The following CHL1 variants were observed in gnomAD, a reference collection of about 807,000 sequenced individuals.
The protein encoded by CHL1 is cell adhesion molecule L1 like, also known as neural cell adhesion molecule L1-like protein.
A neutral mutation model predicts 141.9 loss-of-function variants in CHL1; 96 were observed. That is an observed-to-expected ratio of 0.68 (90% CI 0.57 to 0.80). The LOEUF (loss-of-function observed/expected upper bound fraction) is 0.80. Ranked by LOEUF, CHL1 falls within the 30% of genes least tolerant of loss-of-function variation. CHL1 has a pLI of 0.00. For missense variants in CHL1, 1,820 were observed against 1,457.2 expected, an observed-to-expected ratio of 1.25 and a Z score of -4.05; for synonymous variants, 613 against 502.2, an observed-to-expected ratio of 1.22 and a Z score of -2.95.
intron 2 of CHL1, among the ~76,000 whole-genome samples, chr3:318,002 A>T (rs1428216784): frequency 6.6e-6 from 1 of 151,928 alleles, no homozygotes; most frequent in Non-Finnish European, 1.5e-5. Flanking sequence ...ATTTTTTCCA[A>T]TTCCCATTTT....
Position 389,353 on chromosome 3 carries a change from C to T in CHL1, c.2349C>T (p.Asn783=). ...PVEWEEETVT[N]HTLRVMTPAV... ...AGTGGGAAGAAGAAACAGTCACAAA[C>T]CACACATTGCGGGTGATGACGCCTG... Residue 783 remains asparagine, a synonymous_variant, in exon 20 of 28, where the codon AAC becomes AAT. Coordinates refer to ENST00000256509, the MANE Select transcript of CHL1 (RefSeq NM_006614.4). The T allele has an allele frequency of 2.5e-6, 4 of 1,614,190 alleles. No individual in the cohort carries two copies. The highest frequency in any genetic ancestry group is 3.4e-6 in the Non-Finnish European group (4 of 1,180,030).
chr3:268,248 ACTAGG>A lies in CHL1; in HGVS notation c.-95+23558_-95+23562del, dbSNP rs550102978. 6.6e-5 allele frequency among the ~76,000 whole-genome samples: 10 copies of A among 152,276 alleles called. No individual in the cohort carries two copies. In the South Asian group the frequency reaches 2.1e-3, roughly 32 times the overall value. On this transcript the variant is annotated intron_variant, in intron 2 of 27. Coordinates refer to ENST00000256509, the MANE Select transcript of CHL1 (RefSeq NM_006614.4). Reference sequence around the variant, plus strand: ...TGAAGAAAATGTATTGAAAATGATGACTAGGCCAGGCACAGTGGCTCACTCCTATA... The same window carrying A: ...TGAAGAAAATGTATTGAAAATGATGACCAGGCACAGTGGCTCACTCCTATA...
chr3:235,066 C>T (rs564923026), intron 1 of CHL1, among the ~76,000 whole-genome samples: 59 of 151,848 alleles, frequency 3.9e-4, no homozygotes, highest in African/African-American at 1.4e-3. Flanking sequence ...AGGTTAGTTA[C>T]ATATGTATAC....
chr3:289,762 A>C (rs1365887513), intron 2 of CHL1, among the ~76,000 whole-genome samples: 2 of 151,612 alleles, frequency 1.3e-5, no homozygotes, highest in Non-Finnish European at 2.9e-5. Context: ...TCATTAATAC[A>C]TTTATTTAAT....
At chr3:363,606 G>T (rs1374482403) in intron 14 of CHL1, 1 of 397,318 alleles carries the variant, frequency 2.5e-6, no homozygotes, top group Non-Finnish European at 4.5e-6. Flanking sequence ...GAGGCAGCCA[G>T]GTGTCTGTAG....
chr3:291,456 C>CTT (rs201416513), intron 2 of CHL1, among the ~76,000 whole-genome samples: 1,506 of 146,144 alleles, frequency 0.01, 22 homozygotes, highest in African/African-American at 0.03. Context: ...TTTTCTTTTT[C>CTT]TTTTTCTTTT....
chr3:348,704 C>A (rs935699775), intron 9 of CHL1, among the ~76,000 whole-genome samples: 1 of 152,150 alleles, frequency 6.6e-6, no homozygotes, highest in Non-Finnish European at 1.5e-5. Flanking sequence ...CTTTTGAAAG[C>A]GCTAAGCAAG....
At chr3:311,108 T>C (rs112602871) in intron 2 of CHL1, among the ~76,000 whole-genome samples, 68 of 152,334 alleles carry the variant, frequency 4.5e-4, no homozygotes, top group African/African-American at 1.6e-3. Context: ...GTATAGTTTA[T>C]TTATCCATTT....
intron 27 of CHL1, 100 bp downstream of exon 27, chr3:401,798 C>T (rs1333760440): frequency 1.5e-6 from 1 of 687,438 alleles, no homozygotes; most frequent in Non-Finnish European, 2.4e-6. Flanking sequence ...GGTTACATAA[C>T]TACAATGTAA....
At chr3:283,057 G>A (rs1473885841) in intron 2 of CHL1, among the ~76,000 whole-genome samples, 2 of 152,134 alleles carry the variant, frequency 1.3e-5, no homozygotes, top group Non-Finnish European at 2.9e-5. Context: ...CTAATCACAT[G>A]CAGAACCATT....
intron 15 of CHL1, among the ~76,000 whole-genome samples, chr3:370,130 G>A (rs1411815758): frequency 1.3e-5 from 2 of 152,136 alleles, no homozygotes; most frequent in African/African-American, 4.8e-5. Flanking sequence ...TTAGGGACGA[G>A]TCCCTTCTTT....
At chr3:284,691 G>A (rs1225709479) in intron 2 of CHL1, among the ~76,000 whole-genome samples, 3 of 152,152 alleles carry the variant, frequency 2.0e-5, no homozygotes, top group Non-Finnish European at 2.9e-5. Context: ...TGGGGAGATG[G>A]TGGTGACCAG....
intron 16 of CHL1, among the ~76,000 whole-genome samples, chr3:381,269 C>T (rs574416819): frequency 7.2e-5 from 11 of 152,154 alleles, no homozygotes; most frequent in Admixed American, 3.9e-4. Context: ...GAGCCTGATG[C>T]GATTGAACAC....
intron 4 of CHL1, among the ~76,000 whole-genome samples, chr3:327,265 A>T (rs1052558232): frequency 6.6e-6 from 1 of 151,910 alleles, no homozygotes; most frequent in Admixed American, 6.6e-5. Flanking sequence ...AATATACCCA[A>T]ATTTGCATGG....
At chr3:266,083 A>G (rs951323116) in intron 2 of CHL1, among the ~76,000 whole-genome samples, 9 of 152,110 alleles carry the variant, frequency 5.9e-5, no homozygotes, top group Admixed American at 4.6e-4. Context: ...AGCATGGCCA[A>G]TTTTGTTGTA....
chr3:387,311 C>T (rs764850285), intron 19 of CHL1, among the ~76,000 whole-genome samples: 5 of 152,316 alleles, frequency 3.3e-5, no homozygotes, highest in African/African-American at 4.8e-5. Context: ...TCGTGGGCTC[C>T]TTCACGAGAG....
chr3:352,355 T>C (rs936605950), intron 10 of CHL1, among the ~76,000 whole-genome samples: 1 of 152,188 alleles, frequency 6.6e-6, no homozygotes, highest in Non-Finnish European at 1.5e-5. Flanking sequence ...GTACCAAGTT[T>C]GTTTTATTTT....
At chr3:387,529 T>C (rs995979567) in intron 19 of CHL1, among the ~76,000 whole-genome samples, 3 of 152,254 alleles carry the variant, frequency 2.0e-5, no homozygotes, top group African/African-American at 7.2e-5. Flanking sequence ...TAAAGTGTTA[T>C]GGTTTATTAT....
chr3:270,573 A>T (rs1695550934), intron 2 of CHL1, among the ~76,000 whole-genome samples: 1 of 152,224 alleles, frequency 6.6e-6, no homozygotes, highest in Non-Finnish European at 1.5e-5. Context: ...AACCAAGCTG[A>T]TGAGACATCT....
Sources: allele counts gnomAD v4.1 joint callset (sites outside exome capture counted in the v4.1 genomes callset), GRCh38; gene constraint gnomAD v4.1.1; transcripts MANE v1.5; gene names NCBI Gene and HGNC (gene_info 2026-07-23, HGNC 2026-07-21).